The following ATRX variants were observed in gnomAD, a reference collection of about 807,000 sequenced individuals.
ATRX encodes the protein ATRX chromatin remodeler.
Under a neutral mutation model 172.6 loss-of-function variants are expected in ATRX, and 12 were observed. That is an observed-to-expected ratio of 0.07 (90% CI 0.04 to 0.11). ATRX has a LOEUF of 0.11. Among genes scored for constraint, ATRX ranks in the 10% least tolerant of loss-of-function variants. ATRX has a pLI of 1.00. For missense variants in ATRX, 1,368 were observed against 1,767.4 expected, an observed-to-expected ratio of 0.77 and a Z score of 4.05; for synonymous variants, 674 against 594.7, an observed-to-expected ratio of 1.13 and a Z score of -1.94.
chrX:77,726,906 T>C (rs1476947004), intron 1 of ATRX, among the ~76,000 whole-genome samples: 1 of 109,875 alleles, frequency 9.1e-6, no homozygotes, highest in Non-Finnish European at 1.9e-5. Context: ...AATTGGAAAA[T>C]TTTTTAAAAA....
intron 1 of ATRX, among the ~76,000 whole-genome samples, chrX:77,762,330 A>G (rs1276799734): frequency 9.6e-6 from 1 of 103,949 alleles, no homozygotes; most frequent in Non-Finnish European, 2.0e-5. Context: ...AAAAAAAAAG[A>G]TACACATTGA....
intron 15 of ATRX, among the ~76,000 whole-genome samples, chrX:77,644,206 T>C (rs1293571992): frequency 8.9e-6 from 1 of 112,885 alleles, no homozygotes; most frequent in Non-Finnish European, 1.9e-5. Context: ...CCTCCCAAAG[T>C]GCTGGGATTA....
At chrX:77,686,254 A>G (rs374032757) in intron 7 of ATRX, among the ~76,000 whole-genome samples, 1 of 112,482 alleles carries the variant, frequency 8.9e-6, no homozygotes, top group East Asian at 2.8e-4. Flanking sequence ...TGGATACCCC[A>G]TTTTCCACAA....
chrX:77,540,243 G>C (rs2063922171), intron 30 of ATRX, among the ~76,000 whole-genome samples: 1 of 111,445 alleles, frequency 9.0e-6, no homozygotes, highest in South Asian at 3.7e-4. Context: ...ATGGTAAAAG[G>C]ATCAATGCAC....
At chrX:77,783,772 G>A (rs1320766781) in intron 1 of ATRX, among the ~76,000 whole-genome samples, 4 of 111,837 alleles carry the variant, frequency 3.6e-5, no homozygotes, top group African/African-American at 1.3e-4. Context: ...TGACACTTCA[G>A]CCTGAGACAG....
rs782297371 is a variant in ATRX at position 77,640,246 on chromosome X, A to G, written c.4558-4190T>C. ...CTATGTTCACTACCACGGTGATGGG[A>G]TCCACATCCCAAACCTGAGCATCAC... On this transcript the variant is annotated intron_variant, in intron 15 of 34. Transcript: ENST00000373344. Among the ~76,000 whole-genome samples the G allele has an allele frequency of 6.3e-5, 7 of 111,491 alleles. No homozygotes were observed. In the East Asian group the frequency reaches 1.7e-3, roughly 27 times the overall value.
intron 30 of ATRX, among the ~76,000 whole-genome samples, chrX:77,535,394 T>C (rs1437919964): frequency 8.9e-6 from 1 of 112,141 alleles, no homozygotes; most frequent in African/African-American, 3.2e-5. Flanking sequence ...TTGATAAGAA[T>C]GTTTTCTCCT....
chrX:77,640,500 T>C (rs1230670517), intron 15 of ATRX, among the ~76,000 whole-genome samples: 1 of 111,275 alleles, frequency 9.0e-6, no homozygotes, highest in Non-Finnish European at 1.9e-5. Context: ...TATTAAAAGG[T>C]TGAGCCAAAC....
chrX:77,700,666 C>A (rs782189218), intron 2 of ATRX, among the ~76,000 whole-genome samples: 2 of 112,383 alleles, frequency 1.8e-5, no homozygotes, highest in South Asian at 7.3e-4. Flanking sequence ...AATGGATAAA[C>A]AAACTGTAGT....
intron 20 of ATRX, 53 bp from the exon 21 acceptor site, chrX:77,619,034 T>C (rs947251340): frequency 1.2e-5 from 11 of 926,940 alleles, no homozygotes; most frequent in Non-Finnish European, 1.7e-5. Flanking sequence ...TAAAAAGACT[T>C]AGAAAAATTC....
chrX:77,785,827 C>T (rs1004229252), intron 1 of ATRX, 155 bp downstream of exon 1: 90 of 788,052 alleles, frequency 1.1e-4, no homozygotes, highest in Middle Eastern at 3.6e-4. Flanking sequence ...TGCGCCGATA[C>T]CCCGAAACCC....
intron 29 of ATRX, among the ~76,000 whole-genome samples, chrX:77,558,355 C>CA (rs35419688): frequency 0.037 from 4,009 of 109,777 alleles, 77 homozygotes; most frequent in East Asian, 0.084. Flanking sequence ...AAGGATCTAC[C>CA]AAAAAAAACC....
At chrX:77,651,521 G>A (rs1034405532) in intron 15 of ATRX, among the ~76,000 whole-genome samples, 2 of 111,711 alleles carry the variant, frequency 1.8e-5, no homozygotes, top group East Asian at 5.6e-4. Flanking sequence ...ATTTTAAGTT[G>A]CATGAAATAG....
chrX:77,612,731 C>T (rs2067209032), intron 22 of ATRX, among the ~76,000 whole-genome samples: 1 of 111,383 alleles, frequency 9.0e-6, no homozygotes, highest in Non-Finnish European at 1.9e-5. Flanking sequence ...GAACTTAGTA[C>T]CCATTAACAG....
At chrX:77,777,712 A>G (rs1249936248) in intron 1 of ATRX, among the ~76,000 whole-genome samples, 1 of 112,007 alleles carries the variant, frequency 8.9e-6, no homozygotes, top group African/African-American at 3.2e-5. Context: ...CTTAGATTCT[A>G]TAAGTCAAAT....
intron 15 of ATRX, among the ~76,000 whole-genome samples, chrX:77,644,541 C>T (rs782048574): frequency 2.4e-4 from 27 of 110,790 alleles, no homozygotes; most frequent in African/African-American, 8.2e-4. Context: ...ATGTAACAAA[C>T]CTGCACATTG....
At position 77,690,467 on chromosome X, in the gene ATRX, A is replaced by T. The variant is rs959350812; in HGVS notation, c.485-1540T>A. 1.6e-4 allele frequency among the ~76,000 whole-genome samples: 18 copies of T among 111,461 alleles called. No homozygotes were observed. The South Asian group carries it at 2.6e-3, about 16-fold the overall frequency. ...ATGTTGCTAATATTTTTATTTATTT[A>T]TTTTTTTAATTTTAAAGATGGGGTC... On this transcript the variant is annotated intron_variant, in intron 6 of 34. Transcript: ENST00000373344.
intron 3 of ATRX, among the ~76,000 whole-genome samples, 163 bp downstream of exon 3, chrX:77,698,411 C>T (rs2072307121): frequency 8.9e-6 from 1 of 111,765 alleles, no homozygotes; most frequent in Non-Finnish European, 1.9e-5. Context: ...ATAACAGAAA[C>T]AATGAACACC....
intron 30 of ATRX, among the ~76,000 whole-genome samples, chrX:77,528,726 A>G (rs1439506841): frequency 8.9e-6 from 1 of 112,416 alleles, no homozygotes; most frequent in Non-Finnish European, 1.9e-5. Context: ...ATAAATGCTG[A>G]AAACTCAAAA....
Sources: gnomAD v4.1 joint callset for allele counts (sites outside exome capture counted in the v4.1 genomes callset) on GRCh38, gnomAD v4.1.1 for gene constraint, MANE v1.5 for transcripts, NCBI Gene and HGNC (gene_info 2026-07-23, HGNC 2026-07-21) for gene names.